CDH12: variants seen among roughly 807,000 people sequenced by gnomAD.
CDH12 encodes cadherin 12.
CDH12 carries 41 observed loss-of-function variants against 74.1 expected under a neutral mutation model. The observed-to-expected ratio is 0.55, with a 90% CI of 0.43 to 0.72. The LOEUF (loss-of-function observed/expected upper bound fraction) is 0.72. CDH12 is among the 30% of genes least tolerant of loss of function. The probability of loss-of-function intolerance (pLI) is 0.00; values close to 1 mark genes in which losing one functional copy is unlikely to be tolerated. For synonymous variants in CDH12, 399 were observed against 355.0 expected, an observed-to-expected ratio of 1.12 and a Z score of -1.39; for missense variants, 945 against 977.2, an observed-to-expected ratio of 0.97 and a Z score of 0.44.
At chr5:22,229,983 T>A (rs116752806) in intron 3 of CDH12, among the ~76,000 whole-genome samples, 1,921 of 152,224 alleles carry the variant, frequency 0.013, 17 homozygotes, top group Middle Eastern at 0.017. Flanking sequence ...AAAAATGACG[T>A]CTATTAATAA....
At chr5:21,958,438 A>T (rs1367164594) in intron 6 of CDH12, among the ~76,000 whole-genome samples, 1 of 152,130 alleles carries the variant, frequency 6.6e-6, no homozygotes. Flanking sequence ...TTTTGCATTT[A>T]AGTGTTTAAT....
chr5:22,206,134 C>T (rs992149759), intron 4 of CDH12, among the ~76,000 whole-genome samples: 1 of 152,104 alleles, frequency 6.6e-6, no homozygotes, highest in South Asian at 2.1e-4. Context: ...TCCTGTGAAA[C>T]GTCCTCCAGT....
At chr5:22,773,351 A>T (rs1746914917) in intron 1 of CDH12, among the ~76,000 whole-genome samples, 3 of 152,122 alleles carry the variant, frequency 2.0e-5, no homozygotes, top group Non-Finnish European at 2.9e-5. Flanking sequence ...ATAAAGCTGC[A>T]CACCTAGAGC....
intron 6 of CDH12, among the ~76,000 whole-genome samples, chr5:21,936,706 C>T (rs371717543): frequency 6.6e-6 from 1 of 152,056 alleles, no homozygotes; most frequent in Non-Finnish European, 1.5e-5. Context: ...AATCTCAACT[C>T]GAATTGTAAT....
At chr5:22,021,859 A>T (rs991519147) in intron 5 of CDH12, among the ~76,000 whole-genome samples, 3 of 152,142 alleles carry the variant, frequency 2.0e-5, no homozygotes, top group South Asian at 2.1e-4. Context: ...TTATTTAGAG[A>T]CTAAGGCTTG....
chr5:21,788,934 T>C (rs185338028), intron 10 of CDH12, among the ~76,000 whole-genome samples: 2 of 152,048 alleles, frequency 1.3e-5, no homozygotes, highest in African/African-American at 4.8e-5. Flanking sequence ...AGGTTTTCTA[T>C]ATTTCTCATG....
chr5:22,083,072 A>G (rs981470190), intron 4 of CDH12, among the ~76,000 whole-genome samples: 3 of 152,192 alleles, frequency 2.0e-5, no homozygotes, highest in African/African-American at 7.2e-5. Flanking sequence ...GGATCTGCAC[A>G]TATCTTTTTT....
chr5:22,756,743 C>T (rs1041466110), intron 1 of CDH12, among the ~76,000 whole-genome samples: 4 of 151,980 alleles, frequency 2.6e-5, no homozygotes, highest in Admixed American at 6.6e-5. Flanking sequence ...AGGTGGATCA[C>T]GAGGTCAGGA....
intron 1 of CDH12, among the ~76,000 whole-genome samples, chr5:22,712,180 T>G (rs555413795): frequency 6.6e-6 from 1 of 152,044 alleles, no homozygotes; most frequent in Admixed American, 6.6e-5. Flanking sequence ...AAACATAATT[T>G]GAAATAATGC....
chr5:21,792,738 T>C (rs576946324), intron 10 of CDH12, among the ~76,000 whole-genome samples: 2 of 151,548 alleles, frequency 1.3e-5, no homozygotes, highest in Admixed American at 6.6e-5. Flanking sequence ...AGAGCAAAAA[T>C]AACTTTATCT....
intron 2 of CDH12, among the ~76,000 whole-genome samples, chr5:22,446,769 TACA>T (rs1173816059): frequency 2.0e-5 from 3 of 152,152 alleles, no homozygotes; most frequent in East Asian, 1.9e-4. Context: ...TATGACCATC[TACA>T]ACATTTCCAT....
intron 4 of CDH12, among the ~76,000 whole-genome samples, chr5:22,172,001 C>T (rs1385059625): frequency 6.6e-6 from 1 of 151,844 alleles, no homozygotes; most frequent in Admixed American, 6.6e-5. Flanking sequence ...TCATCACTTC[C>T]TATTAATTGG....
intron 3 of CDH12, among the ~76,000 whole-genome samples, chr5:22,215,356 A>C (rs1294416945): frequency 1.3e-5 from 2 of 152,146 alleles, no homozygotes; most frequent in Non-Finnish European, 2.9e-5. Flanking sequence ...AATCATTTTC[A>C]CATCTTTAAA....
At chr5:22,846,365 A>T (rs1462063436) in intron 1 of CDH12, among the ~76,000 whole-genome samples, 2 of 152,162 alleles carry the variant, frequency 1.3e-5, no homozygotes, top group Admixed American at 6.5e-5. Flanking sequence ...GATGGCATTT[A>T]AACCCATGCT....
At chr5:22,583,289 T>C (rs1740197280) in intron 1 of CDH12, among the ~76,000 whole-genome samples, 1 of 152,162 alleles carries the variant, frequency 6.6e-6, no homozygotes, top group Non-Finnish European at 1.5e-5. Context: ...AATTTCAAAC[T>C]AGGAAAATAA....
intron 4 of CDH12, among the ~76,000 whole-genome samples, chr5:22,120,383 T>C (rs1434782077): frequency 6.6e-6 from 1 of 152,180 alleles, no homozygotes; most frequent in Non-Finnish European, 1.5e-5. Flanking sequence ...AAACATTATG[T>C]ATCAGTAGAT....
chr5:22,212,898 A>G (rs1019393533), intron 3 of CDH12: 4 of 152,120 alleles, frequency 2.6e-5, no homozygotes, highest in African/African-American at 9.7e-5. Context: ...CCACTTGGGA[A>G]TCTTGTCTTT....
intron 1 of CDH12, among the ~76,000 whole-genome samples, chr5:22,845,667 GAT>G (rs1485088531): frequency 6.6e-6 from 1 of 152,142 alleles, no homozygotes; most frequent in Non-Finnish European, 1.5e-5. Flanking sequence ...ACATCACTCT[GAT>G]GTAATGACAA....
chr5:22,556,994 C>T (rs183168851), intron 1 of CDH12, among the ~76,000 whole-genome samples: 7 of 152,052 alleles, frequency 4.6e-5, no homozygotes, highest in Admixed American at 3.9e-4. Context: ...CCAACCTCTC[C>T]GTAACACCCT....
Sources: allele counts gnomAD v4.1 joint callset (sites outside exome capture counted in the v4.1 genomes callset), GRCh38; gene constraint gnomAD v4.1.1; transcripts MANE v1.5; gene names NCBI Gene and HGNC (gene_info 2026-07-23, HGNC 2026-07-21).